PVT1: variants seen among roughly 807,000 people sequenced by gnomAD.
PVT1 encodes CXCR4/PVT1 fusion.
intron 3 of PVT1, among the ~76,000 whole-genome samples, chr8:127,951,178 G>A (rs1816501432): frequency 6.6e-6 from 1 of 152,190 alleles, no homozygotes; most frequent in Non-Finnish European, 1.5e-5. Flanking sequence ...TTACAGGCGT[G>A]AGCCACCATA....
chr8:127,896,402 C>A (rs985589755), intron 3 of PVT1, among the ~76,000 whole-genome samples: 1 of 151,916 alleles, frequency 6.6e-6, no homozygotes, highest in Non-Finnish European at 1.5e-5. Context: ...GGCCTGGGCT[C>A]CAGGGGCAGT....
intron 3 of PVT1, among the ~76,000 whole-genome samples, chr8:127,951,934 G>A (rs1816510117): frequency 6.6e-6 from 1 of 151,618 alleles, no homozygotes; most frequent in Non-Finnish European, 1.5e-5. Flanking sequence ...TCCTGCCTCA[G>A]CCTCCCGAGT....
At chr8:127,938,587 T>C (rs1816307492) in intron 3 of PVT1, among the ~76,000 whole-genome samples, 1 of 152,192 alleles carries the variant, frequency 6.6e-6, no homozygotes, top group African/African-American at 2.4e-5. Flanking sequence ...TAAGATCCCT[T>C]TGGGATTCTA....
Position 128,076,133 on chromosome 8 carries a change from A to G in PVT1, n.1114+5772A>G, listed in dbSNP as rs77058806. ...CACCACTCACTCTGTGTTGTGACACAGTGATCTGGTGTCTGCTCTGCCCAC... is the reference window on the plus strand; with the variant it reads ...CACCACTCACTCTGTGTTGTGACACGGTGATCTGGTGTCTGCTCTGCCCAC... On this transcript the variant is annotated intron_variant and non_coding_transcript_variant, in intron 5 of 10. Transcript: ENST00000651587. Among the ~76,000 whole-genome samples the G allele has an allele frequency of 2.7e-3, 413 of 152,304 alleles. 12 individuals carry two copies. The East Asian group carries it at 0.065, about 24-fold the overall frequency.
chr8:127,906,615 G>T (rs964147520), intron 3 of PVT1, among the ~76,000 whole-genome samples: 2 of 152,104 alleles, frequency 1.3e-5, no homozygotes, highest in African/African-American at 4.8e-5. Context: ...GGGATGGGGG[G>T]TGGACTCTGT....
rs181203640 is a variant in PVT1 at position 127,903,599 on chromosome 8, G to C, written n.782+12601G>C. Among the ~76,000 whole-genome samples, 148 of 152,192 alleles carry C rather than the reference G, an allele frequency of 9.7e-4. 1 individual carries two copies. The highest frequency in any genetic ancestry group is 3.3e-3 in the African/African-American group (135 of 41,518). ...TTTAATCCATGTTGAGTTATTTTTT[G>C]TGTGGTGATAAATAGGGATTCTGTT... On this transcript the variant is annotated intron_variant and non_coding_transcript_variant, in intron 3 of 10. Transcript: ENST00000651587.
At chr8:128,073,085 C>T (rs1043434429) in intron 5 of PVT1, among the ~76,000 whole-genome samples, 1 of 152,016 alleles carries the variant, frequency 6.6e-6, no homozygotes. Context: ...CTGCCCTTCT[C>T]GGCCTCCCAA....
chr8:127,837,980 C>G (rs1434571583), intron 2 of PVT1, among the ~76,000 whole-genome samples: 1 of 151,802 alleles, frequency 6.6e-6, no homozygotes, highest in Admixed American at 6.6e-5. Context: ...TCACTGCAAC[C>G]TCCACCTCCT....
At chr8:127,889,035 T>TCCTTCCTTCCTTCCTTCCTTCCTTC (rs1554594526) in intron 2 of PVT1, among the ~76,000 whole-genome samples, 3 of 100,494 alleles carry the variant, frequency 3.0e-5, no homozygotes, top group Non-Finnish European at 6.3e-5. Flanking sequence ...TTTCTCTCTT[T>TCCTTCCTTCCTTCCTTCCTTCCTTC]CTTTCTTCCT....
At chr8:127,840,213 G>A (rs2129713911) in intron 2 of PVT1, among the ~76,000 whole-genome samples, 1 of 152,298 alleles carries the variant, frequency 6.6e-6, no homozygotes, top group South Asian at 2.1e-4. Flanking sequence ...GTGCATCACG[G>A]CCACTGCCAT....
chr8:127,942,263 T>C (rs760820829), intron 3 of PVT1, among the ~76,000 whole-genome samples: 1 of 152,176 alleles, frequency 6.6e-6, no homozygotes, highest in Non-Finnish European at 1.5e-5. Flanking sequence ...TTGAGCAATG[T>C]GGAAGGGATC....
At chr8:127,975,674 G>A (rs1816815941) in intron 3 of PVT1, among the ~76,000 whole-genome samples, 1 of 152,172 alleles carries the variant, frequency 6.6e-6, no homozygotes, top group South Asian at 2.1e-4. Context: ...CTGGCCTTAT[G>A]GTCTTTATGA....
At chr8:127,967,076 A>T (rs1218055041) in intron 3 of PVT1, among the ~76,000 whole-genome samples, 2 of 152,142 alleles carry the variant, frequency 1.3e-5, no homozygotes, top group African/African-American at 4.8e-5. Flanking sequence ...GGCACACCTG[A>T]CAACGCCTTG....
At chr8:128,061,505 G>T (rs890168792) in intron 4 of PVT1, among the ~76,000 whole-genome samples, 2 of 152,066 alleles carry the variant, frequency 1.3e-5, no homozygotes, top group Non-Finnish European at 2.9e-5. Context: ...CATTTGTCTT[G>T]GGCATGTGTA....
At chr8:127,932,120 G>A (rs146552899) in intron 3 of PVT1, among the ~76,000 whole-genome samples, 387 of 152,320 alleles carry the variant, frequency 2.5e-3, no homozygotes, top group Middle Eastern at 0.024. Context: ...GGGTGGGAAC[G>A]TCAGGAGTGG....
intron 2 of PVT1, among the ~76,000 whole-genome samples, chr8:127,880,810 AG>A (rs1379643167): frequency 6.6e-6 from 1 of 152,052 alleles, no homozygotes; most frequent in African/African-American, 2.4e-5. Flanking sequence ...CATGCTGGCC[AG>A]GCTGGTCTTG....
At chr8:127,933,354 C>T (rs1044464593) in intron 3 of PVT1, among the ~76,000 whole-genome samples, 1 of 152,178 alleles carries the variant, frequency 6.6e-6, no homozygotes, top group African/African-American at 2.4e-5. Context: ...GGGTTACAGG[C>T]GCGAGCCATT....
intron 2 of PVT1, among the ~76,000 whole-genome samples, chr8:127,807,761 T>G (rs1396953912): frequency 6.6e-6 from 1 of 152,164 alleles, no homozygotes; most frequent in African/African-American, 2.4e-5. Context: ...TTCTTTGAAT[T>G]TTTCTTTTTT....
chr8:127,917,277 A>G (rs780288821), intron 3 of PVT1, among the ~76,000 whole-genome samples: 2 of 152,206 alleles, frequency 1.3e-5, no homozygotes, highest in Non-Finnish European at 2.9e-5. Flanking sequence ...TCCTGAAGAC[A>G]CAGAAAAGGC....
Sources: allele counts gnomAD v4.1 joint callset (sites outside exome capture counted in the v4.1 genomes callset), GRCh38; gene constraint gnomAD v4.1.1; transcripts MANE v1.5; gene names NCBI Gene and HGNC (gene_info 2026-07-23, HGNC 2026-07-21).